TMEM132D: variants seen among roughly 807,000 people sequenced by gnomAD.
TMEM132D encodes the protein transmembrane protein 132D, also known as mature OL transmembrane protein.
TMEM132D carries 21 observed loss-of-function variants against 62.3 expected under a neutral mutation model. That is an observed-to-expected ratio of 0.34 (90% confidence interval 0.24 to 0.49). TMEM132D has a LOEUF of 0.49. TMEM132D is among the 20% of genes least tolerant of loss of function. The pLI is 0.99. For synonymous variants in TMEM132D, 621 were observed against 575.6 expected (o/e 1.08, Z -1.13); for missense variants, 1,346 against 1,402.8 (o/e 0.96, Z 0.65).
chr12:129,279,568 G>T (rs573957322), intron 4 of TMEM132D, among the ~76,000 whole-genome samples: 3 of 151,594 alleles, frequency 2.0e-5, no homozygotes, highest in East Asian at 3.9e-4. Context: ...TTTGAGGGGG[G>T]TATAAAATCG....
chr12:129,578,845 G>A (rs1399431776), intron 2 of TMEM132D, among the ~76,000 whole-genome samples: 3 of 152,236 alleles, frequency 2.0e-5, no homozygotes, highest in Admixed American at 6.5e-5. Context: ...ACGGGTTGGA[G>A]CATACTCACC....
chr12:129,575,347 C>T (rs1282843053), intron 2 of TMEM132D, among the ~76,000 whole-genome samples: 6 of 151,774 alleles, frequency 4.0e-5, no homozygotes, highest in African/African-American at 1.2e-4. Context: ...CTGATGGCAC[C>T]TGCGTTATTA....
intron 1 of TMEM132D, among the ~76,000 whole-genome samples, chr12:129,751,109 A>G (rs1869986257): frequency 1.3e-5 from 2 of 152,196 alleles, no homozygotes; most frequent in Non-Finnish European, 2.9e-5. Flanking sequence ...TTCCTGTATT[A>G]ATCCATTTTC....
At chr12:129,272,088 T>C (rs1352458883) in intron 4 of TMEM132D, among the ~76,000 whole-genome samples, 2 of 151,784 alleles carry the variant, frequency 1.3e-5, no homozygotes, top group Admixed American at 6.6e-5. Context: ...AAAGTCGGGG[T>C]GATTGGATGC....
At chr12:129,577,767 T>A (rs1395443963) in intron 2 of TMEM132D, among the ~76,000 whole-genome samples, 1 of 152,176 alleles carries the variant, frequency 6.6e-6, no homozygotes, top group African/African-American at 2.4e-5. Flanking sequence ...AGTGTACCCA[T>A]GAAGTTTCAA....
intron 3 of TMEM132D, among the ~76,000 whole-genome samples, chr12:129,476,986 A>G (rs1036476270): frequency 2.0e-5 from 3 of 152,230 alleles, no homozygotes; most frequent in African/African-American, 4.8e-5. Flanking sequence ...AGGATAAACA[A>G]CTTCCTCGTT....
At chr12:129,306,454 A>T (rs780110076) in intron 4 of TMEM132D, among the ~76,000 whole-genome samples, 4 of 152,182 alleles carry the variant, frequency 2.6e-5, no homozygotes, top group South Asian at 2.1e-4. Flanking sequence ...TCCAAAACAT[A>T]TTAACAAAGG....
chr12:129,320,624 T>C (rs1212556905), intron 4 of TMEM132D, among the ~76,000 whole-genome samples: 1 of 152,188 alleles, frequency 6.6e-6, no homozygotes, highest in Non-Finnish European at 1.5e-5. Flanking sequence ...AAGAAAGTCA[T>C]AGATATGTTT....
At chr12:129,544,541 G>A (rs150281612) in intron 2 of TMEM132D, among the ~76,000 whole-genome samples, 1 of 152,242 alleles carries the variant, frequency 6.6e-6, no homozygotes, top group East Asian at 1.9e-4. Flanking sequence ...TCATGCACCA[G>A]TCCCTAAATG....
At chr12:129,193,705 A>G (rs1167465384) in intron 5 of TMEM132D, among the ~76,000 whole-genome samples, 1 of 152,236 alleles carries the variant, frequency 6.6e-6, no homozygotes, top group Admixed American at 6.5e-5. Flanking sequence ...TTTGTTGTCC[A>G]TTCATTCAAC....
At chr12:129,447,224 T>A (rs952765027) in intron 3 of TMEM132D, among the ~76,000 whole-genome samples, 1 of 152,194 alleles carries the variant, frequency 6.6e-6, no homozygotes, top group African/African-American at 2.4e-5. Flanking sequence ...CAATTTTTTT[T>A]ACTGAAGAGG....
At chr12:129,868,207 A>T (rs182472300) in intron 1 of TMEM132D, among the ~76,000 whole-genome samples, 3 of 151,788 alleles carry the variant, frequency 2.0e-5, no homozygotes, top group Admixed American at 2.0e-4. Flanking sequence ...TGGTACACAC[A>T]TGAGGCAGCG....
intron 4 of TMEM132D, among the ~76,000 whole-genome samples, chr12:129,309,847 T>TA (rs368930065): frequency 0.013 from 1,971 of 151,086 alleles, 49 homozygotes; most frequent in African/African-American, 0.045. Context: ...AAGCTACATT[T>TA]AAAAAAAAAC....
In TMEM132D at chr12:129,362,810, A is replaced by G. The variant is rs558531220; in HGVS notation, c.1116-24993T>C. Among the ~76,000 whole-genome samples, 6 of 152,300 alleles carry G rather than the reference A, an allele frequency of 3.9e-5. No individual in the cohort carries two copies. In the South Asian group the frequency reaches 1.2e-3, roughly 32 times the overall value. On this transcript the variant is annotated intron_variant, in intron 3 of 8. Coordinates refer to ENST00000422113, the MANE Select transcript of TMEM132D (RefSeq NM_133448.3). ...TACGGTAGAATTGGCAAGGAATGTA[A>G]GCAAACCAATTATACACAATTAGTT...
intron 1 of TMEM132D, among the ~76,000 whole-genome samples, chr12:129,763,445 T>TTTTC (rs1555230265): frequency 6.6e-6 from 1 of 151,444 alleles, no homozygotes; most frequent in African/African-American, 2.4e-5. Flanking sequence ...TTTTTTTTTT[T>TTTTC]CTGAAATAGT....
chr12:129,316,844 T>C (rs183780214), intron 4 of TMEM132D, among the ~76,000 whole-genome samples: 44 of 152,298 alleles, frequency 2.9e-4, no homozygotes, highest in African/African-American at 1.1e-3. Flanking sequence ...TAGGTGCATA[T>C]ATGTTTAGGA....
chr12:129,507,985 A>C (rs1200719795), intron 3 of TMEM132D, among the ~76,000 whole-genome samples: 1 of 152,130 alleles, frequency 6.6e-6, no homozygotes, highest in African/African-American at 2.4e-5. Flanking sequence ...CCTGCAGACT[A>C]TCCTTCTTTT....
At chr12:129,149,341 T>G (rs1411100069) in intron 5 of TMEM132D, among the ~76,000 whole-genome samples, 1 of 151,868 alleles carries the variant, frequency 6.6e-6, no homozygotes, top group Non-Finnish European at 1.5e-5. Context: ...GCAGGTACAC[T>G]TACGTAAAAA....
Position 129,660,411 on chromosome 12 carries a change from T to A in TMEM132D, c.968+39399A>T, listed in dbSNP as rs80343089. ...TCCTGCCTCCTCTGCTGGCCTCTCA[T>A]GCTCATAATACTCAAGACGGAGGTC... On this transcript the variant is annotated intron_variant, in intron 2 of 8. Transcript: ENST00000422113. Among the ~76,000 whole-genome samples the A allele has an allele frequency of 9.3e-3, 1,408 of 152,194 alleles. 24 individuals are homozygous for A. Among genetic ancestry groups the A allele is most frequent in the East Asian group, 0.055 (280 of 5,132 alleles).
Sources: allele counts gnomAD v4.1 joint callset (sites outside exome capture counted in the v4.1 genomes callset), GRCh38; gene constraint gnomAD v4.1.1; transcripts MANE v1.5; gene names NCBI Gene and HGNC (gene_info 2026-07-23, HGNC 2026-07-21).